The following STAG1 variants were observed in gnomAD, a reference collection of about 807,000 sequenced individuals.
STAG1 encodes the protein STAG1 cohesin complex component, also known as cohesin subunit SA-1.
A neutral mutation model predicts 170.9 loss-of-function variants in STAG1; 26 were observed. That is an observed-to-expected ratio of 0.15 (90% CI 0.11 to 0.21). The LOEUF (loss-of-function observed/expected upper bound fraction) is 0.21, where lower values mean the gene tolerates loss of function less well. Ranked by LOEUF, STAG1 falls within the 10% of genes least tolerant of loss-of-function variation. The pLI, the probability that STAG1 is intolerant of heterozygous loss-of-function variation, is 1.00. For missense variants in STAG1, 964 were observed against 1,509.5 expected, an observed-to-expected ratio of 0.64 and a Z score of 5.99; for synonymous variants, 514 against 497.7, an observed-to-expected ratio of 1.03 and a Z score of -0.44.
chr3:136,510,739 G>A (rs970974312), intron 7 of STAG1, among the ~76,000 whole-genome samples: 5 of 151,914 alleles, frequency 3.3e-5, no homozygotes, highest in Non-Finnish European at 7.4e-5. Context: ...AGCCTCCAGA[G>A]TAGCTGGGAT....
chr3:136,405,098 TTA>T (rs1431689436), intron 21 of STAG1, among the ~76,000 whole-genome samples: 1 of 152,110 alleles, frequency 6.6e-6, no homozygotes, highest in Non-Finnish European at 1.5e-5. Flanking sequence ...TCTATCATTT[TTA>T]GACTGGGTTA....
intron 4 of STAG1, among the ~76,000 whole-genome samples, chr3:136,593,890 T>C (rs1280266007): frequency 6.6e-6 from 1 of 152,208 alleles, no homozygotes; most frequent in Non-Finnish European, 1.5e-5. Context: ...AGTATTTCTG[T>C]CTTTCAATGT....
chr3:136,710,743 T>C (rs1385247259), intron 1 of STAG1, among the ~76,000 whole-genome samples: 1 of 151,736 alleles, frequency 6.6e-6, no homozygotes, highest in Non-Finnish European at 1.5e-5. Context: ...CTTTCATGAA[T>C]AGATTAAAAC....
intron 6 of STAG1, among the ~76,000 whole-genome samples, chr3:136,523,219 C>A (rs1288584859): frequency 6.6e-6 from 1 of 152,184 alleles, no homozygotes; most frequent in Admixed American, 6.5e-5. Flanking sequence ...TCCCCATCCT[C>A]TTCAGTACCT....
At chr3:136,630,297 C>CATTT (rs1356037265) in intron 2 of STAG1, among the ~76,000 whole-genome samples, 1 of 151,788 alleles carries the variant, frequency 6.6e-6, no homozygotes, top group African/African-American at 2.4e-5. Context: ...GTATCCCTTA[C>CATTT]ATTTCTTCTG....
Position 136,604,384 on chromosome 3 carries a change from T to C in STAG1, c.222A>G (p.Gly74=). ...CCCCTTCCCCATTCTGTTGAGGGTG[T>C]CCATTAGCTCTTCCACGGCCTGCTC... ...IRGAGRGRAN[G]HPQQNGEGEP... The change falls in exon 4 of 34, where the codon GGA becomes GGG. Residue 74 remains glycine (G), a synonymous_variant. Coordinates refer to ENST00000383202, the MANE Select transcript of STAG1 (RefSeq NM_005862.3). The C allele has an allele frequency of 6.2e-7, 1 of 1,613,920 alleles. No homozygotes were observed. The highest frequency in any genetic ancestry group is 8.5e-7 in the Non-Finnish European group (1 of 1,179,898).
At chr3:136,380,056 T>A (rs965606123) in intron 22 of STAG1, among the ~76,000 whole-genome samples, 2 of 152,086 alleles carry the variant, frequency 1.3e-5, no homozygotes, top group Non-Finnish European at 2.9e-5. Context: ...AACTATAAAT[T>A]TACATTTCAC....
intron 1 of STAG1, among the ~76,000 whole-genome samples, chr3:136,640,368 CTT>C (rs1046414006): frequency 8.5e-5 from 12 of 140,364 alleles, no homozygotes; most frequent in Non-Finnish European, 7.8e-5. Context: ...CATTAGATAA[CTT>C]TTTTTTTTTT....
intron 12 of STAG1, among the ~76,000 whole-genome samples, chr3:136,465,222 CTTTT>C (rs63439962): frequency 1.5e-5 from 2 of 136,208 alleles, no homozygotes; most frequent in Admixed American, 7.6e-5. Flanking sequence ...TCTTCTACAG[CTTTT>C]TTTTTTTTTT....
chr3:136,360,158 C>A (rs1179021250), intron 26 of STAG1, among the ~76,000 whole-genome samples: 4 of 152,182 alleles, frequency 2.6e-5, no homozygotes, highest in African/African-American at 4.8e-5. Flanking sequence ...CATTCCACTA[C>A]CAAATCTAAA....
In STAG1 at chr3:136,337,597, A is replaced by AAGAGT. The variant is rs567047729; in HGVS notation, c.*652_*656dup. On this transcript the variant is annotated 3_prime_UTR_variant, in exon 34 of 34. Coordinates refer to ENST00000383202, the MANE Select transcript of STAG1 (RefSeq NM_005862.3). ...ATAAATAAAAATAAACCTTTTATTC[A>AAGAGT]AGAGTATATAAAATCTGGGAATTCA... 73 of 152,788 alleles carry AAGAGT rather than the reference A, an allele frequency of 4.8e-4. No individual in the cohort carries two copies. Among genetic ancestry groups the AAGAGT allele is most frequent in the African/African-American group, 1.6e-3 (65 of 41,570 alleles). 9.5% of individuals were successfully genotyped at this position (152,788 alleles called of 1,614,324 possible).
intron 12 of STAG1, among the ~76,000 whole-genome samples, chr3:136,469,485 C>G (rs960264660): frequency 1.8e-4 from 27 of 146,660 alleles, no homozygotes; most frequent in Admixed American, 3.5e-4. Context: ...AAATAAAAGA[C>G]GACACAAACA....
chr3:136,683,906 C>T (rs377506251), intron 1 of STAG1, among the ~76,000 whole-genome samples: 1 of 152,044 alleles, frequency 6.6e-6, no homozygotes, highest in African/African-American at 2.4e-5. Context: ...AACAATTTGA[C>T]ATTTAAAACT....
rs1383931663 is a variant in STAG1 at position 136,447,772 on chromosome 3, C to G, written c.1428+4261G>C. On this transcript the variant is annotated intron_variant, in intron 14 of 33. Coordinates refer to ENST00000383202, the MANE Select transcript of STAG1 (RefSeq NM_005862.3). ...AGCTGGGACTACAGGTGCCCGCCAC[C>G]AGGCCCAGCTAATTTTTTGCATTTT... 1.5e-3 allele frequency among the ~76,000 whole-genome samples: 221 copies of G among 151,986 alleles called. 3 individuals are homozygous for G. Among genetic ancestry groups the G allele is most frequent in the Non-Finnish European group, 2.2e-4 (15 of 67,988 alleles).
intron 22 of STAG1, among the ~76,000 whole-genome samples, chr3:136,384,131 CT>C (rs1361215641): frequency 6.6e-6 from 1 of 151,948 alleles, no homozygotes. Context: ...TATGTGGCAA[CT>C]TGCAGAGACA....
intron 4 of STAG1, among the ~76,000 whole-genome samples, chr3:136,601,282 T>G (rs958266330): frequency 2.0e-5 from 3 of 151,964 alleles, no homozygotes; most frequent in Non-Finnish European, 4.4e-5. Flanking sequence ...AGAAGGTAAA[T>G]TCATAGAAAA....
intron 1 of STAG1, among the ~76,000 whole-genome samples, chr3:136,751,959 C>T (rs1161149090): frequency 6.6e-6 from 1 of 150,812 alleles, no homozygotes; most frequent in African/African-American, 2.4e-5. Flanking sequence ...GTGCCCACCG[C>T]GCCCACAGAC....
intron 1 of STAG1, among the ~76,000 whole-genome samples, chr3:136,643,191 T>C (rs1354774698): frequency 1.3e-5 from 2 of 152,244 alleles, no homozygotes; most frequent in Non-Finnish European, 2.9e-5. Flanking sequence ...TATAAAAGCA[T>C]TGTTTTGAAA....
At chr3:136,514,847 G>A (rs1035661842) in intron 7 of STAG1, among the ~76,000 whole-genome samples, 1 of 152,072 alleles carries the variant, frequency 6.6e-6, no homozygotes, top group African/African-American at 2.4e-5. Flanking sequence ...TCACTCATAG[G>A]TGGGAATTGA....
Sources: gnomAD v4.1 joint callset for allele counts (sites outside exome capture counted in the v4.1 genomes callset) on GRCh38, gnomAD v4.1.1 for gene constraint, MANE v1.5 for transcripts, NCBI Gene and HGNC (gene_info 2026-07-23, HGNC 2026-07-21) for gene names.